PTCSC3: variants seen among roughly 807,000 people sequenced by gnomAD.
PTCSC3 encodes the protein papillary thyroid carcinoma susceptibility candidate 3 (non-protein coding).
rs181744926 is a variant in PTCSC3 at position 36,156,580 on chromosome 14, G to A, written n.232-2686C>T. Among the ~76,000 whole-genome samples, 54 of 151,806 alleles carry A rather than the reference G, an allele frequency of 3.6e-4. 1 individual carries two copies. In the East Asian group the frequency reaches 7.2e-3, roughly 20 times the overall value. On this transcript the variant is annotated intron_variant and non_coding_transcript_variant, in intron 2 of 3. Transcript: ENST00000556013. ...CTCCCCTAGCCCCCAACCCCTTGAC[G>A]GGCCCCAGTGTGTGATGTTTCCCCT...
intron 3 of PTCSC3, among the ~76,000 whole-genome samples, chr14:36,147,810 TTGA>T: frequency 6.6e-6 from 1 of 152,030 alleles, no homozygotes; most frequent in Non-Finnish European, 1.5e-5. Flanking sequence ...CTTTTGGTCT[TTGA>T]TGATGGTGAT....
At chr14:36,141,623 G>C (rs536223243) in intron 3 of PTCSC3, among the ~76,000 whole-genome samples, 2 of 151,966 alleles carry the variant, frequency 1.3e-5, no homozygotes, top group Non-Finnish European at 2.9e-5. Context: ...AAAGTGCTGG[G>C]ATTACAGGCG....
intron 2 of PTCSC3, among the ~76,000 whole-genome samples, chr14:36,154,433 A>G (rs1169687434): frequency 6.6e-6 from 1 of 152,254 alleles, no homozygotes; most frequent in Non-Finnish European, 1.5e-5. Flanking sequence ...GTTAATGGTG[A>G]ATATCAATGA....
intron 3 of PTCSC3, among the ~76,000 whole-genome samples, chr14:36,146,103 AGGTGT>A (rs1324674332): frequency 1.1e-4 from 16 of 147,680 alleles, no homozygotes; most frequent in Non-Finnish European, 2.1e-4. Context: ...ATTTTGGAAT[AGGTGT>A]GGTGTGGTGC....
At chr14:36,151,289 C>A (rs140316514) in intron 3 of PTCSC3, among the ~76,000 whole-genome samples, 35 of 151,928 alleles carry the variant, frequency 2.3e-4, no homozygotes, top group South Asian at 4.2e-4. Flanking sequence ...ATTACCCCCC[C>A]GCCCCTGCCC....
chr14:36,150,364 C>T (rs1881693122), intron 3 of PTCSC3, among the ~76,000 whole-genome samples: 2 of 152,102 alleles, frequency 1.3e-5, no homozygotes, highest in South Asian at 2.1e-4. Context: ...AAACAAGGTA[C>T]CCTGAAACAA....
chr14:36,154,278 A>G (rs1027990406), intron 2 of PTCSC3, among the ~76,000 whole-genome samples: 3 of 152,170 alleles, frequency 2.0e-5, no homozygotes, highest in Admixed American at 2.0e-4. Context: ...CATGGAGTTT[A>G]CTTTGTAAAA....
At chr14:36,135,153 A>G (rs917454050), downstream of PTCSC3, among the ~76,000 whole-genome samples, 3 of 152,270 alleles carry the variant, frequency 2.0e-5, no homozygotes, top group African/African-American at 7.2e-5. Flanking sequence ...CTGAAAACGT[A>G]TCAAGAAAGA....
intron 3 of PTCSC3, among the ~76,000 whole-genome samples, chr14:36,138,661 A>G (rs998100792): frequency 6.6e-6 from 1 of 152,234 alleles, no homozygotes; most frequent in African/African-American, 2.4e-5. Flanking sequence ...AAAATTTAAA[A>G]GATTGACATA....
chr14:36,162,271 A>C (rs984644116), intron 2 of PTCSC3, among the ~76,000 whole-genome samples: 4 of 145,576 alleles, frequency 2.7e-5, no homozygotes, highest in Non-Finnish European at 4.6e-5. Flanking sequence ...AAAAAAAAAA[A>C]AAAAAAAAAA....
At chr14:36,151,161 C>T (rs987912802) in intron 3 of PTCSC3, among the ~76,000 whole-genome samples, 1 of 152,090 alleles carries the variant, frequency 6.6e-6, no homozygotes. Context: ...ATAGAAATCT[C>T]GGTTGGTGGT....
intron 3 of PTCSC3, chr14:36,136,424 T>C (rs1348077648): frequency 6.6e-6 from 1 of 152,242 alleles, no homozygotes; most frequent in Non-Finnish European, 1.5e-5. Flanking sequence ...TTAAATTTTC[T>C]ATTTATACTT....
intron 2 of PTCSC3, among the ~76,000 whole-genome samples, chr14:36,154,472 G>T (rs1881788345): frequency 6.6e-6 from 1 of 152,106 alleles, no homozygotes; most frequent in Admixed American, 6.5e-5. Context: ...TTGTGATTTT[G>T]TTGTATTTTT....
intron 1 of PTCSC3, among the ~76,000 whole-genome samples, chr14:36,163,400 A>G (rs774420399): frequency 3.3e-5 from 5 of 152,146 alleles, no homozygotes; most frequent in Non-Finnish European, 7.3e-5. Context: ...TGGAAATTGG[A>G]AAAAGCAACT....
At chr14:36,146,443 T>G (rs1881569679) in intron 3 of PTCSC3, among the ~76,000 whole-genome samples, 1 of 151,402 alleles carries the variant, frequency 6.6e-6, no homozygotes, top group Non-Finnish European at 1.5e-5. Context: ...TTTTGATCTT[T>G]GTTGGTTTAA....
At chr14:36,175,905 T>C (rs1882273093) in intron 1 of PTCSC3, among the ~76,000 whole-genome samples, 1 of 152,244 alleles carries the variant, frequency 6.6e-6, no homozygotes, top group Admixed American at 6.5e-5. Context: ...GCAACTGGGA[T>C]GACAACTTGG....
chr14:36,163,905 G>T (rs1330266600), intron 1 of PTCSC3, among the ~76,000 whole-genome samples: 1 of 152,128 alleles, frequency 6.6e-6, no homozygotes, highest in Non-Finnish European at 1.5e-5. Context: ...AGTCAGACAT[G>T]ACCTCAATAA....
At chr14:36,136,028 T>A (rs1881279858), downstream of PTCSC3, 1 of 152,348 alleles carries the variant, frequency 6.6e-6, no homozygotes, top group African/African-American at 2.4e-5. Context: ...TGAGTCCCAG[T>A]CCCAAAACTG....
At chr14:36,165,821 G>C (rs191383565) in intron 1 of PTCSC3, among the ~76,000 whole-genome samples, 1 of 151,638 alleles carries the variant, frequency 6.6e-6, no homozygotes, top group Non-Finnish European at 1.5e-5. Context: ...AGAAGCCGTG[G>C]GAGGAACTTT....
Sources: allele counts gnomAD v4.1 joint callset (sites outside exome capture counted in the v4.1 genomes callset), GRCh38; gene constraint gnomAD v4.1.1; transcripts MANE v1.5; gene names NCBI Gene and HGNC (gene_info 2026-07-23, HGNC 2026-07-21).